The following LAMA2 variants were observed in gnomAD, a reference collection of about 807,000 sequenced individuals.
The protein encoded by LAMA2 is laminin subunit alpha 2, also known as laminin subunit alpha-2.
A neutral mutation model predicts 364.8 loss-of-function variants in LAMA2; 269 were observed. That is an observed-to-expected ratio of 0.74 (90% CI 0.67 to 0.82). LAMA2 has a LOEUF of 0.82. Ranked by LOEUF, LAMA2 falls within the 40% of genes least tolerant of loss-of-function variation. The pLI is 0.00. For synonymous variants in LAMA2, 1,379 were observed against 1,370.6 expected (o/e 1.01, Z -0.14); for missense variants, 3,807 against 3,873.2 (o/e 0.98, Z 0.45).
intron 1 of LAMA2, among the ~76,000 whole-genome samples, chr6:129,005,590 A>T (rs1287483615): frequency 6.6e-6 from 1 of 151,796 alleles, no homozygotes; most frequent in Non-Finnish European, 1.5e-5. Context: ...TCCCATGCTT[A>T]ACACATAAAA....
intron 62 of LAMA2, 84 bp from the exon 63 acceptor site, chr6:129,512,279 T>G: frequency 7.6e-7 from 1 of 1,310,322 alleles, no homozygotes; most frequent in South Asian, 1.2e-5. Context: ...AATTGAAATA[T>G]AATAAAAAGT....
intron 48 of LAMA2, among the ~76,000 whole-genome samples, chr6:129,459,967 A>G (rs2114800718): frequency 6.6e-6 from 1 of 152,196 alleles, no homozygotes; most frequent in Middle Eastern, 3.4e-3. Context: ...GCAAAAAGTA[A>G]TCAGCATTCG....
intron 4 of LAMA2, among the ~76,000 whole-genome samples, chr6:129,114,350 A>G (rs984977954): frequency 6.6e-6 from 1 of 152,086 alleles, no homozygotes; most frequent in Non-Finnish European, 1.5e-5. Context: ...CAGAACCCAC[A>G]GCTGCAGAAA....
intron 40 of LAMA2, among the ~76,000 whole-genome samples, chr6:129,412,752 C>G (rs765666348): frequency 2.6e-5 from 4 of 152,118 alleles, no homozygotes; most frequent in Non-Finnish European, 4.4e-5. Context: ...CTTGTAGTGA[C>G]ACCATACAGT....
chr6:129,430,124 A>C (rs1025926475), intron 41 of LAMA2, among the ~76,000 whole-genome samples: 1 of 152,202 alleles, frequency 6.6e-6, no homozygotes, highest in South Asian at 2.1e-4. Context: ...ATTTGTGGCC[A>C]ATTACGGAGG....
rs141635493 is a variant in LAMA2 at position 129,511,079 on chromosome 6, C to T, written c.8858-1284C>T. ...TCTTATAATTCTGGATCAAACAAAACCAGAAAATTACTCACTTCCTCTGTT... is the reference window on the plus strand; with the variant it reads ...TCTTATAATTCTGGATCAAACAAAATCAGAAAATTACTCACTTCCTCTGTT... On this transcript the variant is annotated intron_variant, in intron 62 of 64. Transcript: ENST00000421865. 3.9e-4 allele frequency among the ~76,000 whole-genome samples: 59 copies of T among 152,194 alleles called. No homozygotes were observed. In the East Asian group the frequency reaches 6.2e-3, roughly 16 times the overall value.
intron 14 of LAMA2, among the ~76,000 whole-genome samples, chr6:129,259,491 G>A (rs970669529): frequency 1.3e-5 from 2 of 152,022 alleles, no homozygotes; most frequent in African/African-American, 4.8e-5. Flanking sequence ...TGATTATTAT[G>A]AGTCAATAGT....
intron 63 of LAMA2, 117 bp from the exon 64 acceptor site, chr6:129,514,256 C>T: frequency 1.2e-6 from 1 of 808,626 alleles, no homozygotes. Context: ...CAGTTACATC[C>T]ATTTCAAATG....
At chr6:128,965,979 G>GTTTTTTT (rs11342050) in intron 1 of LAMA2, among the ~76,000 whole-genome samples, 4,887 of 112,580 alleles carry the variant, frequency 0.043, 188 homozygotes, top group Non-Finnish European at 0.061. Flanking sequence ...TAAACCAGAG[G>GTTTTTTT]TTTTTTTTTT....
Position 129,301,787 on chromosome 6 carries a change from T to C in LAMA2, c.3174+915T>C, listed in dbSNP as rs114399854. 9.1e-3 allele frequency among the ~76,000 whole-genome samples: 1,386 copies of C among 152,198 alleles called. 22 individuals are homozygous for C. Among genetic ancestry groups the C allele is most frequent in the African/African-American group, 0.032 (1,325 of 41,540 alleles). On this transcript the variant is annotated intron_variant, in intron 22 of 64. Coordinates refer to ENST00000421865, the MANE Select transcript of LAMA2 (RefSeq NM_000426.4). ...TGGTGTAATCATCCCTTGTGCCCCA[T>C]TGCAGTGAAGTCCCCATCACCCCCC...
intron 10 of LAMA2, among the ~76,000 whole-genome samples, chr6:129,186,893 T>C (rs1781259943): frequency 6.6e-6 from 1 of 151,794 alleles, no homozygotes; most frequent in Non-Finnish European, 1.5e-5. Context: ...ATAATCCTCT[T>C]GAGGGCATTT....
intron 9 of LAMA2, among the ~76,000 whole-genome samples, chr6:129,170,133 T>C (rs1583178591): frequency 6.6e-6 from 1 of 151,328 alleles, no homozygotes; most frequent in Admixed American, 6.6e-5. Flanking sequence ...TCATTAATTT[T>C]TTGAAGGGTT....
intron 1 of LAMA2, among the ~76,000 whole-genome samples, chr6:128,990,894 C>T (rs1437941454): frequency 1.3e-5 from 2 of 152,046 alleles, no homozygotes; most frequent in Non-Finnish European, 2.9e-5. Flanking sequence ...TTAATCAGCA[C>T]ATGTCCCTGT....
intron 1 of LAMA2, among the ~76,000 whole-genome samples, chr6:129,006,210 C>T (rs1022201059): frequency 1.3e-5 from 2 of 151,940 alleles, no homozygotes; most frequent in South Asian, 2.1e-4. Flanking sequence ...AAAATGTGAG[C>T]CTACATAATT....
intron 1 of LAMA2, among the ~76,000 whole-genome samples, chr6:128,974,380 C>T (rs144034601): frequency 2.0e-5 from 3 of 152,300 alleles, no homozygotes; most frequent in Non-Finnish European, 4.4e-5. Flanking sequence ...ATAGGATCTG[C>T]AACTCAAACA....
At chr6:129,305,983 C>T (rs865914499) in intron 22 of LAMA2, among the ~76,000 whole-genome samples, 31 of 151,986 alleles carry the variant, frequency 2.0e-4, no homozygotes, top group African/African-American at 5.3e-4. Flanking sequence ...AATATTATAC[C>T]ACTTTACATT....
At chr6:128,899,428 A>G (rs1776950592) in intron 1 of LAMA2, among the ~76,000 whole-genome samples, 1 of 152,232 alleles carries the variant, frequency 6.6e-6, no homozygotes, top group Non-Finnish European at 1.5e-5. Context: ...GCTCTTTAAC[A>G]GTTATAAATT....
chr6:129,266,994 T>C (rs1043890937), intron 15 of LAMA2, 112 bp from the exon 16 acceptor site: 13 of 782,116 alleles, frequency 1.7e-5, no homozygotes, highest in African/African-American at 5.1e-5. Context: ...ACAAGCACAT[T>C]TGATGAGTTT....
chr6:128,997,309 A>G (rs1784016445), intron 1 of LAMA2, among the ~76,000 whole-genome samples: 1 of 150,496 alleles, frequency 6.6e-6, no homozygotes, highest in South Asian at 2.1e-4. Flanking sequence ...GAAGAAAGAA[A>G]GAAACAAAGA....
Sources: allele counts gnomAD v4.1 joint callset (sites outside exome capture counted in the v4.1 genomes callset), GRCh38; gene constraint gnomAD v4.1.1; transcripts MANE v1.5; gene names NCBI Gene and HGNC (gene_info 2026-07-23, HGNC 2026-07-21).